Variants in EVPL observed in about 807,000 individuals in gnomAD.
EVPL encodes the protein 210 kDa cornified envelope precursor protein.
A neutral mutation model predicts 129.7 loss-of-function variants in EVPL; 94 were observed. That is an observed-to-expected ratio of 0.72 (90% CI 0.61 to 0.86). EVPL has a LOEUF of 0.86. Among genes scored for constraint, EVPL ranks in the 40% least tolerant of loss-of-function variants. The probability of loss-of-function intolerance (pLI) is 0.00; values close to 1 mark genes in which losing one functional copy is unlikely to be tolerated. For synonymous variants in EVPL, 1,172 were observed against 1,191.1 expected, an observed-to-expected ratio of 0.98 and a Z score of 0.33; for missense variants, 2,625 against 2,721.1, an observed-to-expected ratio of 0.96 and a Z score of 0.79.
rs2066482133 is a variant in EVPL, at chr17:76,024,022, T to A, written c.197A>T (p.Gln66Leu). ...DILETQKRLQ[Q>L]DRLNSEQSQA... Reference sequence around the variant, plus strand: ...TGCCAACTGCTGCCGGGGCCTCACCTGCTGCAGCCTCTTCTGCGTCTCCAG... The same window carrying A: ...TGCCAACTGCTGCCGGGGCCTCACCAGCTGCAGCCTCTTCTGCGTCTCCAG... Residue 66 changes from glutamine (Q) to leucine (L), a missense_variant and splice_region_variant, in exon 2 of 22, where the codon CAG becomes CTG. Gln to Leu is a moderately radical substitution (Grantham distance 113). Transcript: ENST00000301607. The surrounding 1 kb of genome is among the most constrained non-coding windows in gnomAD (Gnocchi z 4.5). 1 of 1,612,452 alleles carries A rather than the reference T, an allele frequency of 6.2e-7. No homozygotes were observed. The highest frequency in any genetic ancestry group is 1.3e-5 in the African/African-American group (1 of 75,026).
In EVPL at chr17:76,010,315, G is replaced by A. The variant is rs146519364; in HGVS notation, c.2890C>T (p.Arg964Trp). 1.9e-5 allele frequency: 30 copies of A among 1,613,734 alleles called. No homozygotes were observed. Among genetic ancestry groups the A allele is most frequent in the African/African-American group, 5.3e-5 (4 of 74,882 alleles). ...LEEKEVVEFYRDPQLEGSLSR... is the reference protein window; with the variant it reads ...LEEKEVVEFYWDPQLEGSLSR... ...AGGCTGCCCTCCAGCTGGGGGTCCC[G>A]GTAGAACTCTACCACTTCCTTCTCC... The change falls in exon 22 of 22, where the codon CGG becomes TGG. Residue 964 changes from arginine to tryptophan, a missense_variant. Transcript: ENST00000301607.
Position 76,008,434 on chromosome 17 carries a change from C to T in EVPL, c.4771G>A (p.Glu1591Lys). ...AGCTCCTGCTGCAGCCGCCCACACT[C>T]CTGGTCGGCCTGGTCCCGGGCCCTC... ...LQRARDQADQ[E>K]CGRLQQELRA... The change falls in exon 22 of 22, where the codon GAG (glutamate) becomes AAG (lysine). Residue 1591 changes from glutamate to lysine, a missense_variant. By Grantham distance (56) the Glu-to-Lys change is moderately conservative. Transcript: ENST00000301607. The surrounding 1 kb of genome is among the most constrained non-coding windows in gnomAD (Gnocchi z 7.4). 6.3e-7 allele frequency: 1 copy of T among 1,591,036 alleles called. No homozygotes were observed. The highest frequency in any genetic ancestry group is 1.3e-5 in the African/African-American group (1 of 74,768).
chr17:76,010,969 G>A (rs1395904944), intron 21 of EVPL, among the ~76,000 whole-genome samples: 2 of 152,206 alleles, frequency 1.3e-5, no homozygotes, highest in Non-Finnish European at 2.9e-5. Flanking sequence ...GGCCGAGGCA[G>A]GAGAATCGCT....
rs775287086 is a variant in EVPL, at chr17:76,021,687, A to G, written c.902T>C (p.Val301Ala). The G allele has an allele frequency of 1.4e-6, 2 of 1,435,520 alleles. No individual in the cohort carries two copies. Among genetic ancestry groups the G allele is most frequent in the Non-Finnish European group, 1.9e-6 (2 of 1,072,234 alleles). The allele number at this position is 1,435,520 out of a possible 1,614,324, so 88.9% of individuals were successfully genotyped here. A position where few individuals can be genotyped will look rare whatever the true frequency, so the allele number is the denominator to read the frequency against. The change falls in exon 8 of 22, where the codon GTG becomes GCG. Residue 301 changes from valine (V) to alanine (A), a missense_variant. Val to Ala is a moderately conservative substitution (Grantham distance 64, BLOSUM62 0). Around this residue, in one of 4 missense-constraint regions of EVPL, gnomAD observed 1,024 missense variants for 997.5 expected, o/e 1.03. Transcript: ENST00000301607. ...ERMVELRHPA[V>A]GPIQAHQEAL... is the part of the protein sequence containing the mutation. ...GCCCCAGCGCACCTGGATGGGCCCCACCGCGGGGTGCCGCAGCTCCACCAT... is the reference window on the plus strand; with the variant it reads ...GCCCCAGCGCACCTGGATGGGCCCCGCCGCGGGGTGCCGCAGCTCCACCAT...
In EVPL at chr17:76,008,761, G is replaced by T; in HGVS notation, c.4444C>A (p.Arg1482=). Residue 1482 remains arginine (R), a synonymous_variant, in exon 22 of 22, where the codon CGG becomes AGG. Coordinates refer to ENST00000301607, the MANE Select transcript of EVPL (RefSeq NM_001988.4). The surrounding 1 kb of genome is among the most constrained non-coding windows in gnomAD (Gnocchi z 7.4). The stretch of plus-strand genomic sequence containing the variant: ...GTCTTCTCCTGGTCCAGGTCCCACC[G>T]CAGGGCTTCCGTGGACTTCTCCAGG... ...PDLEKSTEAL[R]WDLDQEKTQV... 6.2e-7 allele frequency: 1 copy of T among 1,614,092 alleles called. No individual in the cohort carries two copies. Among genetic ancestry groups the T allele is most frequent in the Non-Finnish European group, 8.5e-7 (1 of 1,180,024 alleles).
Position 76,007,737 on chromosome 17 carries a change from T to C in EVPL, c.5468A>G (p.Asp1823Gly). Residue 1823 changes from aspartate to glycine, a missense_variant, in exon 22 of 22, where the codon GAC becomes GGC. By Grantham distance (94) the Asp-to-Gly change is moderately conservative. Coordinates refer to ENST00000301607, the MANE Select transcript of EVPL (RefSeq NM_001988.4). This position sits in a 1 kb window ranked among gnomAD's most constrained non-coding sequence, Gnocchi z 8.8. Reference sequence around the variant, plus strand: ...ATAGATCCCGGCGATAGGGAAGCTGTCATCACCGAGCCCGAGAGAGAAGCT... The same window carrying C: ...ATAGATCCCGGCGATAGGGAAGCTGCCATCACCGAGCCCGAGAGAGAAGCT... The part of the protein sequence containing the change: ...SPSFSLGLGD[D>G]SFPIAGIYDT... The C allele has an allele frequency of 1.9e-6, 3 of 1,613,074 alleles. No individual in the cohort carries two copies. Among genetic ancestry groups the C allele is most frequent in the Non-Finnish European group, 2.5e-6 (3 of 1,179,272 alleles).
rs751460445 is a variant in EVPL, at chr17:76,015,466, T to G, written c.1873A>C (p.Ser625Arg). ...AGCACTCACTTCTCCCCGTAGAGGC[T>G]GCACAGAACCTGCACGTCACTGAAC... ...NKFSDVQVLC[S>R]LYGEKAKAAL... Residue 625 changes from serine (S) to arginine (R), a missense_variant, in exon 15 of 22, where the codon AGC (serine) becomes CGC (arginine). Physicochemically the swap from Ser to Arg is moderately radical, Grantham distance 110 (BLOSUM62 -1). Coordinates refer to ENST00000301607, the MANE Select transcript of EVPL (RefSeq NM_001988.4). The G allele has an allele frequency of 6.2e-7, 1 of 1,613,250 alleles. No individual in the cohort carries two copies. Among genetic ancestry groups the G allele is most frequent in the Non-Finnish European group, 8.5e-7 (1 of 1,179,896 alleles).
At chr17:76,015,741 T>C in intron 14 of EVPL, 113 bp from the exon 15 acceptor site, 5 of 1,151,454 alleles carry the variant, frequency 4.3e-6, no homozygotes, top group East Asian at 5.2e-5. Flanking sequence ...GGGTACATGC[T>C]TGGGCTCAGG....
rs1201925799 is a variant in EVPL, at chr17:76,013,602, G to C, written c.2373+824C>G. ...CCGGGCCCCGTCCATCTCACTCACT[G>C]TCCCCTTCAAGCAGTCACCAAGTCC... On this transcript the variant is annotated intron_variant, in intron 18 of 21. Coordinates refer to ENST00000301607, the MANE Select transcript of EVPL (RefSeq NM_001988.4). This position sits in a 1 kb window ranked among gnomAD's most constrained non-coding sequence, Gnocchi z 4.3. Among the ~76,000 whole-genome samples the C allele has an allele frequency of 2.0e-5, 3 of 152,084 alleles. No homozygotes were observed. The highest frequency in any genetic ancestry group is 4.8e-5 in the African/African-American group (2 of 41,396).
Position 76,007,494 on chromosome 17 carries a change from G to T in EVPL, c.5711C>A (p.Thr1904Asn). 1 of 1,613,310 alleles carries T rather than the reference G, an allele frequency of 6.2e-7. No homozygotes were observed. Among genetic ancestry groups the T allele is most frequent in the Admixed American group, 1.7e-5 (1 of 60,014 alleles). ...CTTGGTGACGGGGTCCTCGATGCCGGTGAAGGCCTTCTGGGCGTTAAGCAG... is the reference window on the plus strand; with the variant it reads ...CTTGGTGACGGGGTCCTCGATGCCGTTGAAGGCCTTCTGGGCGTTAAGCAG... The part of the protein sequence containing the change: ...QRLLNAQKAF[T>N]GIEDPVTKKR... The change falls in exon 22 of 22, where the codon ACC (threonine) becomes AAC (asparagine). Residue 1904 changes from threonine (T) to asparagine (N), a missense_variant. By Grantham distance (65) the Thr-to-Asn change is moderately conservative. Transcript: ENST00000301607. The surrounding 1 kb of genome is among the most constrained non-coding windows in gnomAD (Gnocchi z 8.8).
intron 2 of EVPL, 150 bp downstream of exon 2, chr17:76,023,871 C>A (rs1039333773): frequency 1.6e-6 from 2 of 1,221,448 alleles, no homozygotes; most frequent in Admixed American, 2.3e-5. Flanking sequence ...TCTCTCCCAC[C>A]GTGTGTTAGG....
At chr17:76,011,981 G>A (rs1567909619) in intron 19 of EVPL, 25 bp downstream of exon 19, 1 of 1,608,452 alleles carries the variant, frequency 6.2e-7, no homozygotes, top group Non-Finnish European at 8.5e-7. Context: ...CATGGAGAGG[G>A]GCAAGCTGAA....
rs541068597 is a variant in EVPL, at chr17:76,013,086, C to T, written c.2374-997G>A. The stretch of plus-strand genomic sequence containing the variant: ...GATAAGTCCCCAGGTGATGCTGCTA[C>T]AGCTCATCCAGAACCATGGCTCCAA... On this transcript the variant is annotated intron_variant, in intron 18 of 21. Coordinates refer to ENST00000301607, the MANE Select transcript of EVPL (RefSeq NM_001988.4). The surrounding 1 kb of genome is among the most constrained non-coding windows in gnomAD (Gnocchi z 4.3). Among the ~76,000 whole-genome samples the T allele has an allele frequency of 9.1e-4, 138 of 152,264 alleles. No individual in the cohort carries two copies. Among genetic ancestry groups the T allele is most frequent in the African/African-American group, 3.2e-3 (132 of 41,560 alleles).
rs200577963 is a variant in EVPL at position 76,009,661 on chromosome 17, C to T, written c.3544G>A (p.Val1182Met). The change falls in exon 22 of 22, where the codon GTG (valine) becomes ATG (methionine). Residue 1182 changes from valine (V) to methionine (M), a missense_variant. Val to Met is a conservative substitution (Grantham distance 21). This residue lies in a region of EVPL where 1,453 missense variants were observed against 1,511.8 expected (regional missense o/e 0.96). Transcript: ENST00000301607. The surrounding 1 kb of genome is among the most constrained non-coding windows in gnomAD (Gnocchi z 5.9). The part of the protein sequence containing the change: ...ELSDLHSKYS[V>M]VEKQRPKVQL... ...ACTTTGGGCCTCTGCTTCTCCACCA[C>T]GCTGTACTTGCTGTGCAGGTCGCTC... 1.3e-4 allele frequency: 217 copies of T among 1,613,662 alleles called. No individual in the cohort carries two copies. Among genetic ancestry groups the T allele is most frequent in the Middle Eastern group, 3.3e-4 (2 of 6,084 alleles).
In EVPL at chr17:76,008,087, G is replaced by A. The variant is rs1326532390; in HGVS notation, c.5118C>T (p.Gly1706=). Residue 1706 remains glycine, a synonymous_variant, in exon 22 of 22, where the codon GGC becomes GGT. Coordinates refer to ENST00000301607, the MANE Select transcript of EVPL (RefSeq NM_001988.4). The surrounding 1 kb of genome is among the most constrained non-coding windows in gnomAD (Gnocchi z 7.4). ...DMSPYEAYKR[G]IIDRGQYLQL... ...GCAAGTACTGGCCCCTGTCGATGAT[G>A]CCCCTCTTGTAGGCCTCGTATGGGG... 3 of 1,614,048 alleles carry A rather than the reference G, an allele frequency of 1.9e-6. No homozygotes were observed. Among genetic ancestry groups the A allele is most frequent in the Non-Finnish European group, 1.7e-6 (2 of 1,179,996 alleles).
chr17:76,025,303 C>T (rs1027903035), intron 1 of EVPL, among the ~76,000 whole-genome samples: 1 of 152,246 alleles, frequency 6.6e-6, no homozygotes, highest in Admixed American at 6.5e-5. Context: ...GGGCTAGTGC[C>T]TTGAAGGCAG....
chr17:76,009,243 T>C lies in EVPL; in HGVS notation c.3962A>G (p.Glu1321Gly), dbSNP rs1247150020. The change falls in exon 22 of 22, where the codon GAG (glutamate) becomes GGG (glycine). Residue 1321 changes from glutamate to glycine, a missense_variant. Around this residue, in one of 4 missense-constraint regions of EVPL, gnomAD observed 1,453 missense variants for 1,511.8 expected, o/e 0.96. Transcript: ENST00000301607. This position sits in a 1 kb window ranked among gnomAD's most constrained non-coding sequence, Gnocchi z 5.9. Reference protein sequence around the residue: ...KTVSKEVVRHEKDPVLEKEAE... With the variant: ...KTVSKEVVRHGKDPVLEKEAE... The stretch of plus-strand genomic sequence containing the variant: ...TTCTTTCTCCAGCACCGGGTCCTTC[T>C]CGTGGCGCACCACCTCCTTGCTCAC... 6.2e-7 allele frequency: 1 copy of C among 1,607,872 alleles called. No homozygotes were observed. The highest frequency in any genetic ancestry group is 8.5e-7 in the Non-Finnish European group (1 of 1,179,908).
At position 76,011,674 on chromosome 17, in the gene EVPL, GAAGGCA is replaced by G; in HGVS notation, c.2569-12_2569-7del. ...GCCTTTGCAAGGTTCTTCTCCTGGAGAAGGCAGAGGGAGAGGGGAAGGGCAGAGTCA... is the reference window on the plus strand; with the variant it reads ...GCCTTTGCAAGGTTCTTCTCCTGGAGGAGGGAGAGGGGAAGGGCAGAGTCA... On this transcript the variant is annotated splice_polypyrimidine_tract_variant and splice_region_variant and intron_variant, in intron 20 of 21. Transcript: ENST00000301607. 1 of 1,614,006 alleles carries G rather than the reference GAAGGCA, an allele frequency of 6.2e-7. No homozygotes were observed. The highest frequency in any genetic ancestry group is 8.5e-7 in the Non-Finnish European group (1 of 1,179,864).
chr17:76,012,461 A>ATTTTTTTTTTTTTTTTTT (rs1567909873), intron 18 of EVPL, among the ~76,000 whole-genome samples: 1 of 152,070 alleles, frequency 6.6e-6, no homozygotes, highest in African/African-American at 2.4e-5. Flanking sequence ...TGCCAGGCTA[A>ATTTTTTTTTTTTTTTTTT]TTTTTATATT....
Sources: allele counts gnomAD v4.1 joint callset (sites outside exome capture counted in the v4.1 genomes callset), GRCh38; gene constraint gnomAD v4.1.1; regional missense constraint gnomAD v4.1.1; non-coding constraint Gnocchi (gnomAD v3.1); transcripts MANE v1.5; gene names NCBI Gene and HGNC (gene_info 2026-07-23, HGNC 2026-07-21).